The following NR3C2 variants were observed in gnomAD, a reference collection of about 807,000 sequenced individuals.
NR3C2 encodes the protein nuclear receptor subfamily 3 group C member 2, also known as mineralocorticoid receptor.
NR3C2 carries 15 observed loss-of-function variants against 86.4 expected under a neutral mutation model. The ratio of observed to expected loss-of-function variants is 0.17; its 90% CI spans 0.12 to 0.27. The LOEUF (loss-of-function observed/expected upper bound fraction) is 0.27, where lower values mean the gene tolerates loss of function less well. NR3C2 is among the 10% of genes least tolerant of loss of function. The probability of loss-of-function intolerance (pLI) is 1.00; values close to 1 mark genes in which losing one functional copy is unlikely to be tolerated. For synonymous variants in NR3C2, 458 were observed against 450.5 expected (o/e 1.02, Z -0.21); for missense variants, 960 against 1,195.6 (o/e 0.80, Z 2.91).
rs185707951 is a variant in NR3C2 at position 148,354,468 on chromosome 4, A to G, written c.1757+80636T>C. On this transcript the variant is annotated intron_variant, in intron 2 of 8. Coordinates refer to ENST00000358102, the MANE Select transcript of NR3C2 (RefSeq NM_000901.5). ...CCCTTGCATTATTCAAGAGTCAACTATATTTAAACCTACACAATCCAATCC... is the reference window on the plus strand; with the variant it reads ...CCCTTGCATTATTCAAGAGTCAACTGTATTTAAACCTACACAATCCAATCC... 1.6e-3 allele frequency among the ~76,000 whole-genome samples: 246 copies of G among 152,248 alleles called. 1 individual carries two copies. The highest frequency in any genetic ancestry group is 5.6e-3 in the African/African-American group (231 of 41,544).
At chr4:148,169,654 C>T (rs1735035887) in intron 4 of NR3C2, among the ~76,000 whole-genome samples, 1 of 152,076 alleles carries the variant, frequency 6.6e-6, no homozygotes, top group Non-Finnish European at 1.5e-5. Flanking sequence ...TGGGATATAA[C>T]TGAGAAATTC....
At chr4:148,335,006 C>A (rs1452649979) in intron 2 of NR3C2, among the ~76,000 whole-genome samples, 1 of 152,200 alleles carries the variant, frequency 6.6e-6, no homozygotes, top group Non-Finnish European at 1.5e-5. Context: ...CCAATTTCCC[C>A]TTTGTATAAA....
chr4:148,422,160 A>T (rs1437067187), intron 2 of NR3C2, among the ~76,000 whole-genome samples: 1 of 152,158 alleles, frequency 6.6e-6, no homozygotes, highest in African/African-American at 2.4e-5. Flanking sequence ...TTTTCACCTT[A>T]CACATAGCAA....
At chr4:148,339,151 T>A (rs1443184128) in intron 2 of NR3C2, among the ~76,000 whole-genome samples, 1 of 152,076 alleles carries the variant, frequency 6.6e-6, no homozygotes, top group African/African-American at 2.4e-5. Context: ...ACAATCTCTG[T>A]CCTAAAAGAA....
chr4:148,156,923 A>G (rs1431227087), intron 4 of NR3C2, among the ~76,000 whole-genome samples: 1 of 152,160 alleles, frequency 6.6e-6, no homozygotes, highest in Non-Finnish European at 1.5e-5. Context: ...CAACAATGAT[A>G]GACTGAATTA....
chr4:148,116,806 G>A (rs879560511), intron 7 of NR3C2, among the ~76,000 whole-genome samples: 11 of 152,058 alleles, frequency 7.2e-5, no homozygotes, highest in African/African-American at 1.9e-4. Context: ...AATCTATTAC[G>A]AGCTGAGTGA....
rs189879954 is a variant in NR3C2, at chr4:148,398,870, C to T, written c.1757+36234G>A. On this transcript the variant is annotated intron_variant, in intron 2 of 8. Transcript: ENST00000358102. ...AGTAACGATTGTGTACATGTGCATG[C>T]GCATGTTTGTGTTTGAATGAGAGCG... Among the ~76,000 whole-genome samples, 33 of 152,180 alleles carry T rather than the reference C, an allele frequency of 2.2e-4. No individual in the cohort carries two copies. In the East Asian group the frequency reaches 4.2e-3, roughly 20 times the overall value.
intron 3 of NR3C2, among the ~76,000 whole-genome samples, chr4:148,240,520 G>A (rs1738974809): frequency 6.6e-6 from 1 of 151,992 alleles, no homozygotes; most frequent in Non-Finnish European, 1.5e-5. Flanking sequence ...TTAAGGGGAG[G>A]CTCTCATTGC....
intron 3 of NR3C2, among the ~76,000 whole-genome samples, chr4:148,220,044 T>G (rs909912746): frequency 7.2e-5 from 11 of 151,914 alleles, no homozygotes; most frequent in African/African-American, 2.7e-4. Flanking sequence ...CACCTCAGCC[T>G]CCTAAGTAGT....
intron 2 of NR3C2, among the ~76,000 whole-genome samples, chr4:148,372,493 CTTAACATG>C (rs948515279): frequency 1.3e-4 from 19 of 151,970 alleles, no homozygotes; most frequent in African/African-American, 3.9e-4. Flanking sequence ...AAGAGGCATT[CTTAACATG>C]TTAAAAAAAA....
chr4:148,171,384 C>T (rs745450530), intron 4 of NR3C2, among the ~76,000 whole-genome samples: 3 of 152,218 alleles, frequency 2.0e-5, no homozygotes, highest in Non-Finnish European at 4.4e-5. Context: ...TATCTAGGCA[C>T]ACATTTTTAT....
intron 2 of NR3C2, among the ~76,000 whole-genome samples, chr4:148,397,731 G>C (rs765886572): frequency 3.3e-5 from 5 of 152,126 alleles, no homozygotes; most frequent in Admixed American, 6.5e-5. Flanking sequence ...AGAGTGAGCA[G>C]CTCATCATAC....
At chr4:148,417,822 C>A (rs1749087109) in intron 2 of NR3C2, among the ~76,000 whole-genome samples, 1 of 152,060 alleles carries the variant, frequency 6.6e-6, no homozygotes, top group African/African-American at 2.4e-5. Context: ...TTTCTGTTGT[C>A]CAAAGAAGAT....
At chr4:148,339,552 A>G (rs1331743131) in intron 2 of NR3C2, among the ~76,000 whole-genome samples, 2 of 152,226 alleles carry the variant, frequency 1.3e-5, no homozygotes, top group African/African-American at 4.8e-5. Flanking sequence ...AGAATTTGGC[A>G]TATTAGAGAT....
At chr4:148,329,538 C>T (rs566052968) in intron 2 of NR3C2, among the ~76,000 whole-genome samples, 1 of 152,166 alleles carries the variant, frequency 6.6e-6, no homozygotes, top group African/African-American at 2.4e-5. Context: ...TTCCACAGTA[C>T]ATATTTTTCA....
intron 2 of NR3C2, among the ~76,000 whole-genome samples, chr4:148,266,721 G>A (rs1740413792): frequency 6.6e-6 from 1 of 152,138 alleles, no homozygotes; most frequent in African/African-American, 2.4e-5. Context: ...GTGACTGTTG[G>A]GTGGAGAATG....
intron 3 of NR3C2, among the ~76,000 whole-genome samples, chr4:148,243,120 C>T (rs988684506): frequency 4.0e-5 from 6 of 151,756 alleles, no homozygotes; most frequent in Admixed American, 1.3e-4. Context: ...AGCCTTGAAC[C>T]TCTTGGCTCA....
chr4:148,271,295 A>G (rs1443921222), intron 2 of NR3C2, among the ~76,000 whole-genome samples: 1 of 152,172 alleles, frequency 6.6e-6, no homozygotes, highest in East Asian at 1.9e-4. Flanking sequence ...AATGATTTTA[A>G]TAAACCAAAC....
intron 3 of NR3C2, among the ~76,000 whole-genome samples, chr4:148,217,723 G>A (rs915343759): frequency 5.9e-5 from 9 of 152,108 alleles, no homozygotes; most frequent in African/African-American, 9.7e-5. Flanking sequence ...TGAATTCTGC[G>A]AAAAAGAATA....
Sources: gnomAD v4.1 joint callset for allele counts (sites outside exome capture counted in the v4.1 genomes callset) on GRCh38, gnomAD v4.1.1 for gene constraint, MANE v1.5 for transcripts, NCBI Gene and HGNC (gene_info 2026-07-23, HGNC 2026-07-21) for gene names.